The following ZFHX3 variants were observed in gnomAD, a reference collection of about 807,000 sequenced individuals.
ZFHX3 encodes the protein zinc finger homeobox 3.
In ZFHX3, 42 loss-of-function variants were observed where a neutral mutation model predicts 279.1. The observed-to-expected ratio is 0.15, with a 90% CI of 0.12 to 0.19. The LOEUF (loss-of-function observed/expected upper bound fraction) is 0.19. ZFHX3 is among the 10% of genes least tolerant of loss of function. The probability of loss-of-function intolerance (pLI) is 1.00; values close to 1 mark genes in which losing one functional copy is unlikely to be tolerated. For missense variants in ZFHX3, 4,981 were observed against 4,754.0 expected, an observed-to-expected ratio of 1.05 and a Z score of -1.40; for synonymous variants, 2,293 against 1,957.8, an observed-to-expected ratio of 1.17 and a Z score of -4.52.
chr16:73,019,048 G>A (rs1308114408), intron 1 of ZFHX3, among the ~76,000 whole-genome samples: 2 of 152,210 alleles, frequency 1.3e-5, no homozygotes, highest in African/African-American at 4.8e-5. Context: ...CCTCAAGGCT[G>A]TCACTGGATG....
chr16:73,721,872 CT>C (rs1474079938), intron 1 of ZFHX3, among the ~76,000 whole-genome samples: 1 of 152,158 alleles, frequency 6.6e-6, no homozygotes, highest in African/African-American at 2.4e-5. Context: ...TAGCAAAACC[CT>C]GTCTCTACAA....
At chr16:73,540,747 C>T (rs182283620) in intron 2 of ZFHX3, among the ~76,000 whole-genome samples, 23 of 152,316 alleles carry the variant, frequency 1.5e-4, no homozygotes, top group Admixed American at 1.2e-3. Flanking sequence ...GAACATACTC[C>T]TCAATGGCAA....
intron 3 of ZFHX3, among the ~76,000 whole-genome samples, chr16:73,339,017 C>T (rs776653995): frequency 1.2e-4 from 18 of 152,194 alleles, no homozygotes; most frequent in Non-Finnish European, 2.4e-4. Context: ...GAAGCCTCCT[C>T]AGAAGCAGAT....
chr16:72,894,560 G>C (rs563321634), intron 3 of ZFHX3, among the ~76,000 whole-genome samples: 14 of 152,152 alleles, frequency 9.2e-5, no homozygotes, highest in African/African-American at 3.1e-4. Flanking sequence ...GCACTCCACG[G>C]GGCCAGTCAG....
intron 5 of ZFHX3, chr16:73,231,961 TA>T (rs2144931595): frequency 6.6e-6 from 1 of 152,296 alleles, no homozygotes; most frequent in East Asian, 1.9e-4. Context: ...AATAACCCTG[TA>T]TTTATGCAAA....
intron 4 of ZFHX3, among the ~76,000 whole-genome samples, chr16:73,309,609 A>T (rs1330104409): frequency 6.6e-6 from 1 of 152,216 alleles, no homozygotes; most frequent in Non-Finnish European, 1.5e-5. Flanking sequence ...GTAAAGGAAG[A>T]TACTGAAAGT....
rs1469021116 is a variant in ZFHX3 at position 73,863,547 on chromosome 16, G to A, written c.-1608+28104C>T. Among the ~76,000 whole-genome samples, 5 of 152,246 alleles carry A rather than the reference G, an allele frequency of 3.3e-5. No homozygotes were observed. The East Asian group carries it at 9.7e-4, about 29-fold the overall frequency. ...TCAGTCTCAGAAAAAAATCCGAAAG[G>A]CAATAAAAGACATACGGTGATGGTG... On this transcript the variant is annotated intron_variant, in intron 1 of 17. Transcript: ENST00000641206.
chr16:73,366,075 G>C (rs955544795), intron 3 of ZFHX3, among the ~76,000 whole-genome samples: 4 of 152,226 alleles, frequency 2.6e-5, no homozygotes, highest in African/African-American at 9.6e-5. Context: ...AGGAAGGTTA[G>C]ATGCAAGAAC....
intron 3 of ZFHX3, among the ~76,000 whole-genome samples, chr16:73,412,864 G>A (rs1480805732): frequency 1.3e-5 from 2 of 152,300 alleles, no homozygotes; most frequent in East Asian, 1.9e-4. Flanking sequence ...TTTGCAACGT[G>A]TTTTCTTAGG....
At chr16:72,853,053 T>G (rs2037659770) in intron 4 of ZFHX3, among the ~76,000 whole-genome samples, 1 of 152,220 alleles carries the variant, frequency 6.6e-6, no homozygotes, top group Non-Finnish European at 1.5e-5. Flanking sequence ...CGTCAACATG[T>G]ACTTGGACAA....
rs534044570 is a variant in ZFHX3, at chr16:73,793,798, T to G, written c.-1608+97853A>C. On this transcript the variant is annotated intron_variant, in intron 1 of 17. Coordinates refer to the ZFHX3 transcript ENST00000641206. ...GACAGCCTGTTTCAAATGTTATTTC[T>G]CATTCTCAGCAGAGACGCTGGCATG... Among the ~76,000 whole-genome samples, 4 of 152,318 alleles carry G rather than the reference T, an allele frequency of 2.6e-5. No homozygotes were observed. In the South Asian group the frequency reaches 8.3e-4, roughly 32 times the overall value.
At chr16:72,934,415 G>A (rs1016970515) in intron 3 of ZFHX3, among the ~76,000 whole-genome samples, 3 of 152,162 alleles carry the variant, frequency 2.0e-5, no homozygotes, top group African/African-American at 4.8e-5. Context: ...GTGACAAGGC[G>A]AGACTCTCTC....
At chr16:73,506,813 T>C (rs970663313) in intron 2 of ZFHX3, among the ~76,000 whole-genome samples, 1 of 152,048 alleles carries the variant, frequency 6.6e-6, no homozygotes, top group African/African-American at 2.4e-5. Flanking sequence ...GTAAATTATT[T>C]CCCCATAGTA....
chr16:73,201,024 C>T (rs1288093104), intron 5 of ZFHX3, among the ~76,000 whole-genome samples: 1 of 152,152 alleles, frequency 6.6e-6, no homozygotes, highest in Non-Finnish European at 1.5e-5. Context: ...TGGGGAAGCA[C>T]CTTTCCCTGC....
intron 3 of ZFHX3, among the ~76,000 whole-genome samples, chr16:72,944,055 G>A (rs776819325): frequency 6.6e-6 from 1 of 152,156 alleles, no homozygotes; most frequent in Non-Finnish European, 1.5e-5. Flanking sequence ...GCCGAGGTGG[G>A]TGGATCGTGC....
chr16:73,804,974 G>A (rs1407708279), intron 1 of ZFHX3, among the ~76,000 whole-genome samples: 1 of 147,244 alleles, frequency 6.8e-6, no homozygotes, highest in Non-Finnish European at 1.5e-5. Flanking sequence ...GAGGGAGGGA[G>A]AGAGAGAGAG....
intron 4 of ZFHX3, among the ~76,000 whole-genome samples, chr16:73,260,679 GGT>G (rs1567433256): frequency 8.7e-6 from 1 of 114,752 alleles, no homozygotes; most frequent in African/African-American, 3.0e-5. Context: ...GCACCTATCT[GGT>G]TTTTTTTTTT....
At chr16:73,439,933 C>CA (rs2018060344) in intron 3 of ZFHX3, among the ~76,000 whole-genome samples, 31 of 78,182 alleles carry the variant, frequency 4.0e-4, no homozygotes, top group African/African-American at 6.8e-4. Flanking sequence ...AAAAAAAAAA[C>CA]ACAAAAAAAA....
chr16:73,457,430 C>A (rs987894948), intron 2 of ZFHX3, among the ~76,000 whole-genome samples: 3 of 152,158 alleles, frequency 2.0e-5, no homozygotes, highest in Non-Finnish European at 4.4e-5. Flanking sequence ...AGTAGAAGGG[C>A]CTTGAATAAG....
Sources: allele counts gnomAD v4.1 joint callset (sites outside exome capture counted in the v4.1 genomes callset), GRCh38; gene constraint gnomAD v4.1.1; transcripts MANE v1.5; gene names NCBI Gene and HGNC (gene_info 2026-07-23, HGNC 2026-07-21).